The following PCDHGB3 variants were observed in gnomAD, a reference collection of about 807,000 sequenced individuals.
PCDHGB3 encodes the protein protocadherin gamma subfamily B, 3, also known as protocadherin gamma-B3.
PCDHGB3 carries 40 observed loss-of-function variants against 59.2 expected under a neutral mutation model. That is an observed-to-expected ratio of 0.68 (90% CI 0.52 to 0.88). The LOEUF (loss-of-function observed/expected upper bound fraction) is 0.88, where lower values mean the gene tolerates loss of function less well. PCDHGB3 is among the 40% of genes least tolerant of loss of function. The pLI, the probability that PCDHGB3 is intolerant of heterozygous loss-of-function variation, is 0.00. For synonymous variants in PCDHGB3, 581 were observed against 503.6 expected (o/e 1.15, Z -2.06); for missense variants, 1,309 against 1,187.9 (o/e 1.10, Z -1.50).
At chr5:141,389,014 A>G (rs768171301) in intron 1 of PCDHGB3, 54 of 1,614,000 alleles carry the variant, frequency 3.3e-5, no homozygotes, top group Non-Finnish European at 4.5e-5. Flanking sequence ...TCCAGACACA[A>G]TGGAGAAGTG....
intron 1 of PCDHGB3, among the ~76,000 whole-genome samples, chr5:141,381,798 CTCTTTCTT>C (rs372235829): frequency 6.9e-5 from 10 of 144,174 alleles, no homozygotes; most frequent in South Asian, 6.6e-4. Flanking sequence ...AGGCAATTCC[CTCTTTCTT>C]TCTTTCTTTC....
intron 1 of PCDHGB3, chr5:141,395,200 A>G: frequency 6.2e-7 from 1 of 1,613,768 alleles, no homozygotes; most frequent in Non-Finnish European, 8.5e-7. Flanking sequence ...ACATCCGTAG[A>G]TTTTCATGAA....
In PCDHGB3 at chr5:141,476,042, T is replaced by C. The variant is rs199923442; in HGVS notation, c.2416-18765T>C. On this transcript the variant is annotated intron_variant, in intron 1 of 3. Coordinates refer to ENST00000576222, the MANE Select transcript of PCDHGB3 (RefSeq NM_018924.5). The surrounding 1 kb of genome is among the most constrained non-coding windows in gnomAD (Gnocchi z 7.6). Reference sequence around the variant, plus strand: ...GACTCGGCGCCCAGCGCCCAAGCGCTAACCCGCTGAAAGTTTCTCAGCGAA... The same window carrying C: ...GACTCGGCGCCCAGCGCCCAAGCGCCAACCCGCTGAAAGTTTCTCAGCGAA... 1.4e-5 allele frequency: 21 copies of C among 1,491,832 alleles called. No individual in the cohort carries two copies. The highest frequency in any genetic ancestry group is 2.7e-6 in the Non-Finnish European group (3 of 1,123,808). 92.4% of individuals were successfully genotyped at this position (1,491,832 alleles called of 1,614,324 possible). A position where few individuals can be genotyped will look rare whatever the true frequency, so the allele number is the denominator to read the frequency against.
chr5:141,371,288 G>A lies in PCDHGB3; in HGVS notation c.894G>A (p.Thr298=), dbSNP rs780665474. The A allele has an allele frequency of 3.1e-6, 5 of 1,613,992 alleles. No individual in the cohort carries two copies. Among genetic ancestry groups the A allele is most frequent in the Non-Finnish European group, 4.2e-6 (5 of 1,179,880 alleles). Residue 298 remains threonine (T), a synonymous_variant, in exon 1 of 4, where the codon ACG becomes ACA. Transcript: ENST00000576222. The part of the protein sequence containing the change: ...VRQLFKLDSK[T]GELTTIGELD... ...AACTGTTCAAGCTGGACAGTAAAAC[G>A]GGGGAACTCACCACTATTGGAGAAC...
chr5:141,499,565 C>T (rs1291006795), intron 2 of PCDHGB3, among the ~76,000 whole-genome samples: 1 of 152,168 alleles, frequency 6.6e-6, no homozygotes, highest in East Asian at 1.9e-4. Flanking sequence ...CACTATCCAG[C>T]TTCAACTAAT....
intron 1 of PCDHGB3, among the ~76,000 whole-genome samples, chr5:141,481,913 C>CAAAA (rs34114744): frequency 1.1e-5 from 1 of 90,846 alleles, no homozygotes; most frequent in African/African-American, 4.2e-5. Context: ...AACTCCATCT[C>CAAAA]AAAAAAAAAA....
intron 1 of PCDHGB3, among the ~76,000 whole-genome samples, chr5:141,451,579 A>T (rs1222576609): frequency 6.6e-6 from 1 of 152,084 alleles, no homozygotes; most frequent in African/African-American, 2.4e-5. Flanking sequence ...TTATAAACCT[A>T]ATTTTGAAAG....
chr5:141,400,221 C>G (rs377228541), intron 1 of PCDHGB3: 1 of 1,614,060 alleles, frequency 6.2e-7, no homozygotes, highest in Non-Finnish European at 8.5e-7. Flanking sequence ...TCTCAGTGCT[C>G]TTCCTCCTGG....
chr5:141,506,209 G>A (rs549403288), intron 3 of PCDHGB3, among the ~76,000 whole-genome samples: 3 of 152,284 alleles, frequency 2.0e-5, no homozygotes, highest in African/African-American at 7.2e-5. Context: ...CCAGCACTTT[G>A]GGAAGCTGAG....
intron 3 of PCDHGB3, among the ~76,000 whole-genome samples, chr5:141,507,784 T>C (rs2099863290): frequency 6.6e-6 from 1 of 152,136 alleles, no homozygotes; most frequent in Non-Finnish European, 1.5e-5. Context: ...GGCCTGACCC[T>C]CGTCTAAGCC....
chr5:141,462,998 C>A (rs562002585), intron 1 of PCDHGB3, among the ~76,000 whole-genome samples: 3 of 152,190 alleles, frequency 2.0e-5, no homozygotes, highest in Admixed American at 2.0e-4. Context: ...CTAATTTAGA[C>A]CTACCACTTA....
Position 141,477,609 on chromosome 5 carries a change from A to T in PCDHGB3, c.2416-17198A>T, listed in dbSNP as rs775454070. The T allele has an allele frequency of 6.2e-7, 1 of 1,614,192 alleles. No homozygotes were observed. The highest frequency in any genetic ancestry group is 1.1e-5 in the South Asian group (1 of 91,082). ...GCTCGGCTTTCTTTCTTTCTCTTGG[A>T]GCAAGGAGCTGAAACCGGGCTAGTG... On this transcript the variant is annotated intron_variant, in intron 1 of 3. Transcript: ENST00000576222. The surrounding 1 kb of genome is among the most constrained non-coding windows in gnomAD (Gnocchi z 4.9).
intron 1 of PCDHGB3, among the ~76,000 whole-genome samples, chr5:141,443,812 G>A (rs1441798548): frequency 6.6e-6 from 1 of 151,990 alleles, no homozygotes; most frequent in Admixed American, 6.6e-5. Flanking sequence ...AGTTACCTTT[G>A]GAAAACATAA....
intron 1 of PCDHGB3, chr5:141,400,117 T>C (rs2093964744): frequency 1.2e-6 from 2 of 1,614,050 alleles, no homozygotes; most frequent in Non-Finnish European, 1.7e-6. Context: ...TGCTGACAGC[T>C]TGCAGGAGGT....
intron 2 of PCDHGB3, among the ~76,000 whole-genome samples, chr5:141,497,171 C>T (rs991574648): frequency 6.6e-6 from 1 of 151,148 alleles, no homozygotes; most frequent in African/African-American, 2.5e-5. Context: ...CCACAAATCA[C>T]AGTAAGTTCT....
In PCDHGB3 at chr5:141,489,610, C is replaced by A; in HGVS notation, c.2416-5197C>A. 6.2e-7 allele frequency: 1 copy of A among 1,614,090 alleles called. No individual in the cohort carries two copies. Among genetic ancestry groups the A allele is most frequent in the Non-Finnish European group, 8.5e-7 (1 of 1,179,990 alleles). ...GCTAATCCGTGTAGAGGTAGAGATCCTGGATCTCAATGACAACTCTCCTAG... is the reference window on the plus strand; with the variant it reads ...GCTAATCCGTGTAGAGGTAGAGATCATGGATCTCAATGACAACTCTCCTAG... On this transcript the variant is annotated intron_variant, in intron 1 of 3. Transcript: ENST00000576222. The surrounding 1 kb of genome is among the most constrained non-coding windows in gnomAD (Gnocchi z 4.5).
intron 1 of PCDHGB3, among the ~76,000 whole-genome samples, chr5:141,433,809 C>A (rs913637407): frequency 5.3e-5 from 8 of 149,948 alleles, no homozygotes; most frequent in Non-Finnish European, 1.2e-4. Flanking sequence ...TGCACTCCAG[C>A]CTGGGCAACA....
intron 1 of PCDHGB3, chr5:141,384,566 A>G (rs1313512011): frequency 6.2e-7 from 1 of 1,614,244 alleles, no homozygotes; most frequent in African/African-American, 1.3e-5. Flanking sequence ...CTGGACCAGA[A>G]TGACAACCCG....
chr5:141,399,991 G>A (rs1226741326), intron 1 of PCDHGB3: 1 of 1,612,422 alleles, frequency 6.2e-7, no homozygotes. Context: ...CACAGGAGAG[G>A]TGCGCACAGC....
Sources: gnomAD v4.1 joint callset for allele counts (sites outside exome capture counted in the v4.1 genomes callset) on GRCh38, gnomAD v4.1.1 for gene constraint, Gnocchi (gnomAD v3.1) non-coding constraint, MANE v1.5 for transcripts, NCBI Gene and HGNC (gene_info 2026-07-23, HGNC 2026-07-21) for gene names.